NEDD4: variants seen among roughly 807,000 people sequenced by gnomAD.
The protein encoded by NEDD4 is NEDD4 E3 ubiquitin protein ligase, also known as E3 ubiquitin-protein ligase NEDD4.
In NEDD4, 99 loss-of-function variants were observed where a neutral mutation model predicts 144.9. That is an observed-to-expected ratio of 0.68 (90% CI 0.58 to 0.81). NEDD4 has a LOEUF of 0.81. NEDD4 is among the 30% of genes least tolerant of loss of function. The pLI is 0.00. For missense variants in NEDD4, 985 were observed against 1,065.9 expected (o/e 0.92, Z 1.06); for synonymous variants, 318 against 350.6 (o/e 0.91, Z 1.04).
chr15:55,981,812 G>C (rs1160769331), intron 1 of NEDD4, among the ~76,000 whole-genome samples: 3 of 152,190 alleles, frequency 2.0e-5, no homozygotes, highest in Non-Finnish European at 2.9e-5. Context: ...AGATGATTCA[G>C]ATGGACACTA....
At chr15:55,878,648 T>G (rs2035076519) in intron 5 of NEDD4, among the ~76,000 whole-genome samples, 1 of 152,220 alleles carries the variant, frequency 6.6e-6, no homozygotes, top group Non-Finnish European at 1.5e-5. Context: ...TCTAAAATAC[T>G]TCTTCAAGAA....
intron 5 of NEDD4, among the ~76,000 whole-genome samples, chr15:55,914,267 T>TC (rs1186611803): frequency 6.6e-6 from 1 of 151,718 alleles, no homozygotes; most frequent in African/African-American, 2.4e-5. Flanking sequence ...TAAGGTTTTT[T>TC]CCCCCCAAAA....
In NEDD4 at chr15:55,869,624, G is replaced by T; in HGVS notation, c.462C>A (p.Thr154=). The T allele has an allele frequency of 6.3e-7, 1 of 1,585,740 alleles. No individual in the cohort carries two copies. Among genetic ancestry groups the T allele is most frequent in the South Asian group, 1.1e-5 (1 of 86,958 alleles). ...CTGCATTATCATCTTCTGAGCCACTGGTTTTAGGTAAATAAGTCATTTTTA... is the reference window on the plus strand; with the variant it reads ...CTGCATTATCATCTTCTGAGCCACTTGTTTTAGGTAAATAAGTCATTTTTA... ...LRLKMTYLPK[T]SGSEDDNAEQ... is the part of the protein sequence containing the mutation. Residue 154 remains threonine (T), a synonymous_variant, in exon 8 of 29, where the codon ACC becomes ACA. Transcript: ENST00000435532.
rs1307657838 is a variant in NEDD4, at chr15:55,872,479, A to G, written c.343-3T>C. The stretch of plus-strand genomic sequence containing the variant: ...CTCTCCAATCTTGGATTTTCTGTCT[A>G]GAATAAAATAGTGGGTTTTCAAAAT... On this transcript the variant is annotated splice_region_variant and splice_polypyrimidine_tract_variant and intron_variant, in intron 6 of 28. Transcript: ENST00000435532. 7.2e-7 allele frequency: 1 copy of G among 1,397,158 alleles called. No homozygotes were observed. The highest frequency in any genetic ancestry group is 9.6e-7 in the Non-Finnish European group (1 of 1,040,830). 86.5% of individuals were successfully genotyped at this position (1,397,158 alleles called of 1,614,324 possible).
intron 5 of NEDD4, among the ~76,000 whole-genome samples, chr15:55,884,183 A>G (rs1186248756): frequency 6.6e-6 from 1 of 152,122 alleles, no homozygotes; most frequent in Non-Finnish European, 1.5e-5. Flanking sequence ...CCTGGTCCCA[A>G]GGTGGTACTT....
At chr15:55,882,484 A>C (rs1940958341) in intron 5 of NEDD4, among the ~76,000 whole-genome samples, 1 of 152,226 alleles carries the variant, frequency 6.6e-6, no homozygotes, top group Non-Finnish European at 1.5e-5. Flanking sequence ...GATCAGCCAG[A>C]GCCGGTGGAG....
intron 4 of NEDD4, among the ~76,000 whole-genome samples, chr15:55,936,478 G>A (rs2175104): frequency 0.083 from 12,504 of 151,454 alleles, 636 homozygotes; most frequent in Middle Eastern, 0.16. Flanking sequence ...GTGGTTTATC[G>A]AGATGAAATT....
chr15:55,830,593 G>A lies in NEDD4; in HGVS notation c.2528-7C>T. The A allele has an allele frequency of 6.2e-7, 1 of 1,613,510 alleles. No homozygotes were observed. Among genetic ancestry groups the A allele is most frequent in the Non-Finnish European group, 8.5e-7 (1 of 1,179,452 alleles). ...GACTGTGGTCCATTTGAACCTATAAGGAAGAATTTATTTGGTTTCATTTAC... is the reference window on the plus strand; with the variant it reads ...GACTGTGGTCCATTTGAACCTATAAAGAAGAATTTATTTGGTTTCATTTAC... On this transcript the variant is annotated splice_polypyrimidine_tract_variant and splice_region_variant and intron_variant, in intron 27 of 28. Transcript: ENST00000435532.
intron 1 of NEDD4, among the ~76,000 whole-genome samples, chr15:55,985,008 G>T (rs2037867042): frequency 1.3e-5 from 2 of 152,164 alleles, no homozygotes; most frequent in African/African-American, 2.4e-5. Flanking sequence ...GACAGCAAGG[G>T]GATGGGAGAA....
chr15:55,874,138 G>A, intron 5 of NEDD4, 130 bp from the exon 6 acceptor site: 4 of 472,312 alleles, frequency 8.5e-6, no homozygotes, highest in Admixed American at 3.6e-5. Flanking sequence ...CAGCATCAAT[G>A]GAAAATAAAA....
At chr15:55,908,385 A>G (rs1257161418) in intron 5 of NEDD4, among the ~76,000 whole-genome samples, 2 of 152,106 alleles carry the variant, frequency 1.3e-5, no homozygotes, top group African/African-American at 4.8e-5. Context: ...TTTCTGCTGC[A>G]TGTACACTTA....
intron 5 of NEDD4, chr15:55,915,866 A>C (rs1216758953): frequency 6.2e-7 from 1 of 1,613,938 alleles, no homozygotes; most frequent in Non-Finnish European, 8.5e-7. Context: ...GTCCATTGAC[A>C]GCTGTTGAAA....
intron 1 of NEDD4, among the ~76,000 whole-genome samples, chr15:55,978,973 A>G (rs986124895): frequency 3.3e-5 from 5 of 150,244 alleles, no homozygotes; most frequent in African/African-American, 1.2e-4. Flanking sequence ...ACGTCTTTCC[A>G]TTTCTCACAA....
At chr15:55,927,077 C>CAAAAAAAAAAAAAAAAAAAAAAAAAAAAA (rs57940091) in intron 4 of NEDD4, among the ~76,000 whole-genome samples, 1 of 70,670 alleles carries the variant, frequency 1.4e-5, no homozygotes, top group Non-Finnish European at 2.7e-5. Flanking sequence ...GACTACGTCT[C>CAAAAAAAAAAAAAAAAAAAAAAAAAAAAA]AAAAAAAAAA....
chr15:55,916,444 T>C lies in NEDD4; in HGVS notation c.291+8202A>G, dbSNP rs915133544. 5 of 1,613,932 alleles carry C rather than the reference T, an allele frequency of 3.1e-6. No individual in the cohort carries two copies. The African/African-American group carries it at 5.3e-5, about 17-fold the overall frequency. ...CCATCATTCACAGCATTCAATTCAT[T>C]ATCGACCACAGCACTACTGTAAATA... On this transcript the variant is annotated intron_variant, in intron 5 of 28. Coordinates refer to ENST00000435532, the MANE Select transcript of NEDD4 (RefSeq NM_006154.4).
intron 5 of NEDD4, among the ~76,000 whole-genome samples, chr15:55,895,073 AAG>A (rs1298907406): frequency 6.6e-6 from 1 of 152,212 alleles, no homozygotes; most frequent in African/African-American, 2.4e-5. Context: ...CAAGAGAACT[AAG>A]GTATAAAGTT....
At chr15:55,877,256 C>A (rs2035026638) in intron 5 of NEDD4, among the ~76,000 whole-genome samples, 1 of 152,176 alleles carries the variant, frequency 6.6e-6, no homozygotes, top group Admixed American at 6.5e-5. Context: ...TATTTAATTT[C>A]TTTAAATCTG....
chr15:55,899,179 CT>C (rs2142148355), intron 5 of NEDD4, among the ~76,000 whole-genome samples: 1 of 152,212 alleles, frequency 6.6e-6, no homozygotes, highest in Admixed American at 6.5e-5. Context: ...AGTTTTTCTT[CT>C]TCTTTTTAAT....
At chr15:55,840,939 T>C (rs1476601163) in intron 19 of NEDD4, among the ~76,000 whole-genome samples, 3 of 152,238 alleles carry the variant, frequency 2.0e-5, no homozygotes, top group African/African-American at 7.2e-5. Flanking sequence ...AAGTTTTGTT[T>C]GTTCGTTTGT....
Sources: allele counts gnomAD v4.1 joint callset (sites outside exome capture counted in the v4.1 genomes callset), GRCh38; gene constraint gnomAD v4.1.1; transcripts MANE v1.5; gene names NCBI Gene and HGNC (gene_info 2026-07-23, HGNC 2026-07-21).